MYLK: variants seen among roughly 807,000 people sequenced by gnomAD.
MYLK encodes myosin light chain kinase, smooth muscle.
In MYLK, 106 loss-of-function variants were observed where a neutral mutation model predicts 203.4. That is an observed-to-expected ratio of 0.52 (90% CI 0.45 to 0.61). The LOEUF is 0.61. Among genes scored for constraint, MYLK ranks in the 20% least tolerant of loss-of-function variants. The pLI is 0.00. For missense variants in MYLK, 2,072 were observed against 2,442.3 expected (o/e 0.85, Z 3.20); for synonymous variants, 867 against 959.5 (o/e 0.90, Z 1.78).
At position 123,613,004 on chromosome 3, in the gene MYLK, A is replaced by G. The variant is rs2057288131; in HGVS notation, c.*1101T>C. 2 of 152,662 alleles carry G rather than the reference A, an allele frequency of 1.3e-5. No homozygotes were observed. Among genetic ancestry groups the G allele is most frequent in the Non-Finnish European group, 2.9e-5 (2 of 68,042 alleles). 9.5% of individuals were successfully genotyped at this position (152,662 alleles called of 1,614,324 possible). ...GAGTGCATTTACCAGGTCTAAGAAT[A>G]TATTTAAAGGTTGGGGGCAAGGCAT... On this transcript the variant is annotated 3_prime_UTR_variant, in exon 34 of 34. Transcript: ENST00000360304.
intron 29 of MYLK, among the ~76,000 whole-genome samples, chr3:123,633,387 A>G (rs2058514136): frequency 6.6e-6 from 1 of 151,938 alleles, no homozygotes; most frequent in Non-Finnish European, 1.5e-5. Context: ...TTGGCCTCCC[A>G]AAGGGCTGGG....
intron 7 of MYLK, among the ~76,000 whole-genome samples, chr3:123,737,903 G>T (rs756527795): frequency 2.0e-5 from 3 of 152,110 alleles, no homozygotes; most frequent in Non-Finnish European, 4.4e-5. Context: ...GCAGGTAAAA[G>T]GTGTCAATAC....
chr3:123,672,074 A>T (rs1303232583), intron 20 of MYLK, among the ~76,000 whole-genome samples: 1 of 152,130 alleles, frequency 6.6e-6, no homozygotes, highest in East Asian at 1.9e-4. Flanking sequence ...GGTACCTCAG[A>T]ATGTGACCGT....
chr3:123,744,469 A>G (rs1202700171), intron 5 of MYLK, among the ~76,000 whole-genome samples: 1 of 152,230 alleles, frequency 6.6e-6, no homozygotes, highest in Non-Finnish European at 1.5e-5. Context: ...GAAGAAAATA[A>G]CTTTAAAAGA....
rs150114058 is a variant in MYLK at position 123,666,080 on chromosome 3, G to T, written c.3831+139C>A. The T allele has an allele frequency of 4.1e-4, 548 of 1,328,788 alleles. 3 individuals are homozygous for T. The African/African-American group carries it at 6.8e-3, about 17-fold the overall frequency. 82.3% of individuals were successfully genotyped at this position (1,328,788 alleles called of 1,614,324 possible). A position where few individuals can be genotyped will look rare whatever the true frequency, so the allele number is the denominator to read the frequency against. On this transcript the variant is annotated intron_variant, in intron 22 of 33. Coordinates refer to ENST00000360304, the MANE Select transcript of MYLK (RefSeq NM_053025.4). ...CTCAGGTTTGGCAGGTGAGCGATGGGTAGGGGAGTGGCCTCTCCCATTTCT... is the reference window on the plus strand; with the variant it reads ...CTCAGGTTTGGCAGGTGAGCGATGGTTAGGGGAGTGGCCTCTCCCATTTCT...
At chr3:123,627,845 TC>T (rs2058226048) in intron 30 of MYLK, among the ~76,000 whole-genome samples, 1 of 152,166 alleles carries the variant, frequency 6.6e-6, no homozygotes, top group Non-Finnish European at 1.5e-5. Context: ...TTGAATAAGA[TC>T]AGTTCTTTGG....
At chr3:123,844,772 T>A (rs2066671845) in intron 2 of MYLK, among the ~76,000 whole-genome samples, 1 of 150,044 alleles carries the variant, frequency 6.7e-6, no homozygotes. Context: ...TAACTCCAGC[T>A]CCAGTGTGTG....
At chr3:123,793,535 G>T in intron 4 of MYLK, 142 bp downstream of exon 4, 1 of 865,328 alleles carries the variant, frequency 1.2e-6, no homozygotes, top group Non-Finnish European at 1.8e-6. Context: ...AGAGAAAAGT[G>T]GCACAGGTTC....
chr3:123,645,756 G>C (rs2108162763), intron 27 of MYLK, among the ~76,000 whole-genome samples: 1 of 152,338 alleles, frequency 6.6e-6, no homozygotes, highest in Middle Eastern at 3.4e-3. Context: ...TAAATGAATT[G>C]TGATTTTCTA....
intron 29 of MYLK, among the ~76,000 whole-genome samples, chr3:123,634,580 T>C (rs1340719185): frequency 1.3e-5 from 2 of 152,040 alleles, no homozygotes; most frequent in African/African-American, 4.8e-5. Context: ...CAAACAAGCA[T>C]GAATGGGAAG....
At chr3:123,875,539 G>A (rs1340123415) in intron 2 of MYLK, among the ~76,000 whole-genome samples, 1 of 152,152 alleles carries the variant, frequency 6.6e-6, no homozygotes, top group East Asian at 1.9e-4. Context: ...AATTGTGATG[G>A]TGCCTATATG....
intron 16 of MYLK, among the ~76,000 whole-genome samples, chr3:123,702,018 G>A (rs1480177996): frequency 2.0e-5 from 3 of 152,192 alleles, no homozygotes; most frequent in African/African-American, 7.2e-5. Flanking sequence ...CATTGATAAT[G>A]CTCTCAGATC....
intron 2 of MYLK, among the ~76,000 whole-genome samples, chr3:123,837,361 C>T (rs2066497030): frequency 6.6e-6 from 1 of 151,838 alleles, no homozygotes; most frequent in African/African-American, 2.4e-5. Context: ...TATTTTTGTT[C>T]TATACACCCT....
Position 123,732,757 on chromosome 3 carries a change from T to C in MYLK, c.1516+139A>G, listed in dbSNP as rs1560144941. On this transcript the variant is annotated intron_variant, in intron 11 of 33. Transcript: ENST00000360304. ...TAGAGCAACACACTTGGCCTTGGCA[T>C]GTGATTGGGGGTGACATTTCTGTCG... 3.7e-6 allele frequency: 3 copies of C among 803,090 alleles called. No individual in the cohort carries two copies. The Admixed American group carries it at 6.2e-5, about 17-fold the overall frequency. The allele number at this position is 803,090 out of a possible 1,614,324, so 49.7% of individuals were successfully genotyped here.
chr3:123,836,664 G>A (rs1311808962), intron 2 of MYLK, among the ~76,000 whole-genome samples: 1 of 152,116 alleles, frequency 6.6e-6, no homozygotes, highest in Non-Finnish European at 1.5e-5. Flanking sequence ...TCTCAGTTTG[G>A]AGAACTCTCC....
intron 16 of MYLK, among the ~76,000 whole-genome samples, chr3:123,702,396 T>G (rs1365515988): frequency 6.6e-6 from 1 of 152,204 alleles, no homozygotes; most frequent in African/African-American, 2.4e-5. Flanking sequence ...CCAGCTTTCA[T>G]GACACCCACA....
At chr3:123,671,605 A>T (rs1328617480) in intron 20 of MYLK, among the ~76,000 whole-genome samples, 2 of 152,138 alleles carry the variant, frequency 1.3e-5, no homozygotes, top group Non-Finnish European at 2.9e-5. Flanking sequence ...ACCCCAGAGG[A>T]GATTCTTGAG....
intron 3 of MYLK, among the ~76,000 whole-genome samples, chr3:123,812,782 T>G (rs1357246260): frequency 1.3e-5 from 2 of 152,224 alleles, no homozygotes; most frequent in East Asian, 3.8e-4. Context: ...GGGGCCCCAC[T>G]GAGCTGAGGC....
intron 31 of MYLK, chr3:123,620,734 C>T (rs1429058325): frequency 1.4e-6 from 1 of 711,058 alleles, no homozygotes; most frequent in Non-Finnish European, 1.8e-6. Flanking sequence ...AAAACAATGC[C>T]AGTGATGTGA....
Sources: allele counts gnomAD v4.1 joint callset (sites outside exome capture counted in the v4.1 genomes callset), GRCh38; gene constraint gnomAD v4.1.1; transcripts MANE v1.5; gene names NCBI Gene and HGNC (gene_info 2026-07-23, HGNC 2026-07-21).